Variants in SYTL3 observed in about 807,000 individuals in gnomAD.
SYTL3 encodes the protein synaptotagmin-like protein 3.
In SYTL3, 88 loss-of-function variants were observed where a neutral mutation model predicts 82.1. That is an observed-to-expected ratio of 1.07 (90% CI 0.90 to 1.28). The LOEUF (loss-of-function observed/expected upper bound fraction) is 1.28. Ranked by LOEUF, SYTL3 falls within the 50% of genes most tolerant of loss-of-function variation. The pLI, the probability that SYTL3 is intolerant of heterozygous loss-of-function variation, is 0.00. For synonymous variants in SYTL3, 311 were observed against 289.4 expected (o/e 1.07, Z -0.76); for missense variants, 831 against 757.6 (o/e 1.10, Z -1.14).
chr6:158,703,652 G>A (rs915845342), intron 6 of SYTL3, among the ~76,000 whole-genome samples: 2 of 152,052 alleles, frequency 1.3e-5, no homozygotes, highest in African/African-American at 4.8e-5. Context: ...TGGGATTGGG[G>A]CTCTGCAGGC....
At chr6:158,689,391 A>G (rs772687300) in intron 6 of SYTL3, among the ~76,000 whole-genome samples, 36 of 152,330 alleles carry the variant, frequency 2.4e-4, no homozygotes, top group South Asian at 4.1e-4. Flanking sequence ...AAGATTGAGT[A>G]TCTTCCACTT....
intron 13 of SYTL3, 51 bp from the exon 14 acceptor site, chr6:158,757,160 G>A (rs1440749714): frequency 1.3e-6 from 2 of 1,559,454 alleles, no homozygotes; most frequent in Non-Finnish European, 8.6e-7. Flanking sequence ...GGGGATCCTA[G>A]GAGTGCGGGC....
intron 6 of SYTL3, among the ~76,000 whole-genome samples, chr6:158,683,678 C>A (rs1778984182): frequency 6.6e-6 from 1 of 152,230 alleles, no homozygotes; most frequent in South Asian, 2.1e-4. Flanking sequence ...TGTTTGTGCA[C>A]TTCTGTTTCT....
At position 158,756,210 on chromosome 6, in the gene SYTL3, C is replaced by G. The variant is rs866601824; in HGVS notation, c.1138-1001C>G. ...GGCCTCTAGTCTCTATGGGGCAGAA[C>G]CCATGCTTGGCTGGGGAATGGGTTC... On this transcript the variant is annotated intron_variant, in intron 13 of 17. Coordinates refer to ENST00000611299, the MANE Select transcript of SYTL3 (RefSeq NM_001242394.2). Among the ~76,000 whole-genome samples, 6 of 152,310 alleles carry G rather than the reference C, an allele frequency of 3.9e-5. 1 individual carries two copies. The highest frequency in any genetic ancestry group is 4.1e-4 in the South Asian group (2 of 4,830).
Position 158,763,336 on chromosome 6 carries a change from G to A in SYTL3, c.1550G>A (p.Arg517Lys). The part of the protein sequence containing the change: ...CLTLPDQQKL[R>K]LKSPVLRKQA... ...ACTCTGCCAGACCAACAAAAACTGA[G>A]ACTGAAGTCGCCAGTCCTGAGGAAG... Residue 517 changes from arginine to lysine, a missense_variant, in exon 17 of 18, where the codon AGA becomes AAA. Transcript: ENST00000611299. 6.2e-7 allele frequency: 1 copy of A among 1,614,192 alleles called. No individual in the cohort carries two copies. The highest frequency in any genetic ancestry group is 8.5e-7 in the Non-Finnish European group (1 of 1,180,042).
At chr6:158,669,577 T>C (rs1480188505) in intron 5 of SYTL3, among the ~76,000 whole-genome samples, 1 of 152,238 alleles carries the variant, frequency 6.6e-6, no homozygotes, top group Non-Finnish European at 1.5e-5. Flanking sequence ...CAGCAGGTGA[T>C]ACTGTTGATT....
chr6:158,764,500 GAC>G lies in SYTL3; in HGVS notation c.1733_1734del (p.Thr578SerfsTer35), dbSNP rs1238624045. ...ATTGTCTTCCTCTCTTACAGAGGGAGACACAGCTGTTGGCGGGGATGCATGCT... is the reference window on the plus strand; with the variant it reads ...ATTGTCTTCCTCTCTTACAGAGGGAGACAGCTGTTGGCGGGGATGCATGCT... ...LGGTRLGSKG[D>X]TAVGGDACSL... On this transcript the variant is annotated frameshift_variant, in exon 18 of 18. Coordinates refer to ENST00000611299, the MANE Select transcript of SYTL3 (RefSeq NM_001242394.2). LOFTEE classifies it high-confidence loss of function. 15 of 1,612,956 alleles carry G rather than the reference GAC, an allele frequency of 9.3e-6. No homozygotes were observed. Among genetic ancestry groups the G allele is most frequent in the East Asian group, 2.2e-5 (1 of 44,898 alleles).
intron 15 of SYTL3, 120 bp from the exon 16 acceptor site, chr6:158,761,956 T>TCTC: frequency 1.5e-6 from 1 of 677,950 alleles, no homozygotes; most frequent in Non-Finnish European, 2.5e-6. Context: ...CCATCTGCTC[T>TCTC]CTCGGGGTCT....
chr6:158,647,346 G>A (rs548722146), upstream of SYTL3, among the ~76,000 whole-genome samples: 3 of 152,284 alleles, frequency 2.0e-5, no homozygotes, highest in East Asian at 3.9e-4. Context: ...GCCAGTAAAC[G>A]GATGAGCTGG....
chr6:158,757,222 C>T lies in SYTL3; in HGVS notation c.1149C>T (p.Ala383=), dbSNP rs1027336902. 1.2e-6 allele frequency: 2 copies of T among 1,609,568 alleles called. No homozygotes were observed. The highest frequency in any genetic ancestry group is 1.7e-6 in the Non-Finnish European group (2 of 1,179,780). ...CCTTGCCTCTGCAGTATCAGGTGGC[C>T]CCTGCCCAGCTGGTGACCCGGCAGC... is the stretch of plus-strand genomic sequence containing the variant. ...TFQETLKYQV[A]PAQLVTRQLQ... Residue 383 remains alanine, a synonymous_variant, in exon 14 of 18, where the codon GCC becomes GCT. Transcript: ENST00000611299.
intron 16 of SYTL3, 47 bp from the exon 17 acceptor site, chr6:158,763,255 GAA>G: frequency 6.4e-7 from 1 of 1,569,832 alleles, no homozygotes; most frequent in Non-Finnish European, 8.8e-7. Context: ...CCTCAGGAGA[GAA>G]GGCCGTGTGG....
At chr6:158,664,106 T>C (rs1247679028) in intron 4 of SYTL3, among the ~76,000 whole-genome samples, 2 of 152,152 alleles carry the variant, frequency 1.3e-5, no homozygotes, top group East Asian at 1.9e-4. Context: ...GAGGGTTTGG[T>C]TTCTAATGGC....
chr6:158,729,668 G>A (rs565784136), intron 11 of SYTL3, among the ~76,000 whole-genome samples: 10 of 148,806 alleles, frequency 6.7e-5, no homozygotes, highest in African/African-American at 2.0e-4. Context: ...TCTGGTTCAC[G>A]CCATTCTCCT....
At chr6:158,726,741 G>T in intron 11 of SYTL3, 1 of 227,506 alleles carries the variant, frequency 4.4e-6, no homozygotes, top group Admixed American at 5.0e-5. Flanking sequence ...TGTGACACAA[G>T]GCCTGGGATC....
At chr6:158,669,975 G>A (rs1777178247) in intron 5 of SYTL3, among the ~76,000 whole-genome samples, 1 of 152,146 alleles carries the variant, frequency 6.6e-6, no homozygotes, top group Non-Finnish European at 1.5e-5. Context: ...TGTTGTTGTT[G>A]TCATTCAGCA....
chr6:158,760,165 C>A (rs1789713935), intron 14 of SYTL3, among the ~76,000 whole-genome samples: 1 of 152,144 alleles, frequency 6.6e-6, no homozygotes, highest in Non-Finnish European at 1.5e-5. Flanking sequence ...CTCACCACAC[C>A]CTGAGGGGCC....
chr6:158,714,841 T>C (rs1329608167), intron 9 of SYTL3, among the ~76,000 whole-genome samples: 1 of 152,226 alleles, frequency 6.6e-6, no homozygotes, highest in East Asian at 1.9e-4. Flanking sequence ...GTGACTTTAA[T>C]TAGTTGTCCG....
chr6:158,762,270 C>T (rs542380448), intron 16 of SYTL3, 92 bp downstream of exon 16: 16 of 858,580 alleles, frequency 1.9e-5, no homozygotes, highest in Middle Eastern at 4.5e-4. Flanking sequence ...AAAACGTAAG[C>T]CACTTAAAAC....
rs756268404 is a variant in SYTL3 at position 158,763,500 on chromosome 6, CTTGGTTCAAG to C, written c.1716_1723+2del. The C allele has an allele frequency of 8.1e-6, 13 of 1,613,922 alleles. No individual in the cohort carries two copies. The East Asian group carries it at 2.9e-4, about 36-fold the overall frequency. ...CGACCGCTTGCTTGGAGGAACCAGA[CTTGGTTCAAG>C]TAAGTCTGAGACATTGAGCCCAAAC... On this transcript the variant is annotated splice_donor_variant and coding_sequence_variant, in exon 17 of 18. Coordinates refer to ENST00000611299, the MANE Select transcript of SYTL3 (RefSeq NM_001242394.2). LOFTEE classifies it high-confidence loss of function.
Sources: gnomAD v4.1 joint callset for allele counts (sites outside exome capture counted in the v4.1 genomes callset) on GRCh38, gnomAD v4.1.1 for gene constraint, MANE v1.5 for transcripts, NCBI Gene and HGNC (gene_info 2026-07-23, HGNC 2026-07-21) for gene names.